GALNT7: variants seen among roughly 807,000 people sequenced by gnomAD.
GALNT7 encodes N-acetylgalactosaminyltransferase 7.
A neutral mutation model predicts 82.1 loss-of-function variants in GALNT7; 60 were observed. That is an observed-to-expected ratio of 0.73 (90% CI 0.59 to 0.91). GALNT7 has a LOEUF of 0.91. Ranked by LOEUF, GALNT7 falls within the 40% of genes least tolerant of loss-of-function variation. GALNT7 has a pLI of 0.00. For synonymous variants in GALNT7, 243 were observed against 275.1 expected (o/e 0.88, Z 1.15); for missense variants, 660 against 804.2 (o/e 0.82, Z 2.17).
chr4:173,226,953 G>C (rs1346425303), intron 1 of GALNT7, among the ~76,000 whole-genome samples: 1 of 152,092 alleles, frequency 6.6e-6, no homozygotes, highest in Non-Finnish European at 1.5e-5. Flanking sequence ...TGAGTATGTT[G>C]AAACTCAGTA....
rs763458221 is a variant in GALNT7, at chr4:173,248,173, T to A, written c.320T>A (p.Ile107Asn). ...GCTGGAGGAGATTCCCAGAAAGATA[T>A]CATGCAGAGGCAGTATCTCACATTT... ...HHAGGDSQKD[I>N]MQRQYLTFKP... The change falls in exon 2 of 12, where the codon ATC becomes AAC. Residue 107 changes from isoleucine (I) to asparagine (N), a missense_variant. By Grantham distance (149) the Ile-to-Asn change is moderately radical (BLOSUM62 -3). Coordinates refer to ENST00000265000, the MANE Select transcript of GALNT7 (RefSeq NM_017423.3). 11 of 1,613,708 alleles carry A rather than the reference T, an allele frequency of 6.8e-6. No homozygotes were observed. Among genetic ancestry groups the A allele is most frequent in the Non-Finnish European group, 8.5e-6 (10 of 1,179,834 alleles).
intron 1 of GALNT7, among the ~76,000 whole-genome samples, chr4:173,202,660 C>T (rs1363798672): frequency 6.6e-6 from 1 of 152,178 alleles, no homozygotes; most frequent in Non-Finnish European, 1.5e-5. Context: ...TTTGTTTGAC[C>T]ATACCACCTG....
chr4:173,282,135 T>C (rs1478408362), intron 2 of GALNT7, among the ~76,000 whole-genome samples: 2 of 152,178 alleles, frequency 1.3e-5, no homozygotes, highest in Non-Finnish European at 2.9e-5. Context: ...ACTTCTCCTA[T>C]CAGTAAAGCT....
intron 8 of GALNT7, among the ~76,000 whole-genome samples, chr4:173,308,350 A>G (rs752359707): frequency 7.9e-5 from 12 of 152,228 alleles, no homozygotes; most frequent in Non-Finnish European, 1.6e-4. Flanking sequence ...AATAAACTCA[A>G]AAAAGTCTGA....
At chr4:173,176,848 G>C (rs1163351722) in intron 1 of GALNT7, among the ~76,000 whole-genome samples, 1 of 152,214 alleles carries the variant, frequency 6.6e-6, no homozygotes, top group African/African-American at 2.4e-5. Context: ...GAAAGACTTT[G>C]AATGGTCAGA....
intron 2 of GALNT7, among the ~76,000 whole-genome samples, chr4:173,283,297 C>CTTTTAGATT: frequency 6.6e-6 from 1 of 152,154 alleles, no homozygotes; most frequent in Non-Finnish European, 1.5e-5. Context: ...TTACATAGGC[C>CTTTTAGATT]TTTTAGATTG....
At chr4:173,235,763 C>T (rs528076641) in intron 1 of GALNT7, among the ~76,000 whole-genome samples, 1 of 152,150 alleles carries the variant, frequency 6.6e-6, no homozygotes, top group African/African-American at 2.4e-5. Flanking sequence ...ACTGTGTTAG[C>T]CAGGATGGTG....
At position 173,218,156 on chromosome 4, in the gene GALNT7, T is replaced by G. The variant is rs189949786; in HGVS notation, c.127-29824T>G. Among the ~76,000 whole-genome samples, 282 of 152,296 alleles carry G rather than the reference T, an allele frequency of 1.9e-3. 2 individuals carry two copies. The highest frequency in any genetic ancestry group is 3.2e-3 in the Non-Finnish European group (218 of 68,020). ...AGCATAAATGATAATAAAGATAGATTAGTGATTCTGGTTTATCCTCTAATC... is the reference window on the plus strand; with the variant it reads ...AGCATAAATGATAATAAAGATAGATGAGTGATTCTGGTTTATCCTCTAATC... On this transcript the variant is annotated intron_variant, in intron 1 of 11. Transcript: ENST00000265000.
intron 1 of GALNT7, among the ~76,000 whole-genome samples, chr4:173,171,492 G>A (rs573160455): frequency 2.8e-4 from 43 of 152,286 alleles, no homozygotes; most frequent in African/African-American, 9.6e-4. Flanking sequence ...GCCACTTTTT[G>A]TCTTGAACTA....
intron 1 of GALNT7, among the ~76,000 whole-genome samples, chr4:173,210,596 G>A (rs762221508): frequency 1.1e-4 from 17 of 152,046 alleles, no homozygotes; most frequent in Non-Finnish European, 1.8e-4. Context: ...TGGGACTACA[G>A]GCTAAATTTT....
In GALNT7 at chr4:173,313,991, G is replaced by A. The variant is rs1406539899; in HGVS notation, c.1423G>A (p.Glu475Lys). 2 of 1,592,764 alleles carry A rather than the reference G, an allele frequency of 1.3e-6. No individual in the cohort carries two copies. Among genetic ancestry groups the A allele is most frequent in the African/African-American group, 2.7e-5 (2 of 74,292 alleles). The part of the protein sequence containing the change: ...YVRVVEVWWD[E>K]YKDYFYASRP... ...TAGAGTTGTGGAGGTTTGGTGGGAT[G>A]AATATAAAGACTACTTCTATGCTAG... Residue 475 changes from glutamate to lysine, a missense_variant, in exon 9 of 12, where the codon GAA becomes AAA. By Grantham distance (56) the Glu-to-Lys change is moderately conservative. This residue lies in a region of GALNT7 where 527 missense variants were observed against 683.5 expected (regional missense o/e 0.77). Transcript: ENST00000265000.
intron 1 of GALNT7, among the ~76,000 whole-genome samples, chr4:173,229,789 G>A (rs966955664): frequency 9.9e-5 from 15 of 151,980 alleles, no homozygotes; most frequent in African/African-American, 9.7e-5. Context: ...CTTTGTAGTC[G>A]TCTTCATGAT....
rs765028660 is a variant in GALNT7, at chr4:173,248,182, G to C, written c.329G>C (p.Arg110Thr). 3 of 1,613,816 alleles carry C rather than the reference G, an allele frequency of 1.9e-6. No homozygotes were observed. The Admixed American group carries it at 5.0e-5, about 27-fold the overall frequency. The change falls in exon 2 of 12, where the codon AGG becomes ACG. Residue 110 changes from arginine (R) to threonine (T), a missense_variant. Transcript: ENST00000265000. ...GATTCCCAGAAAGATATCATGCAGA[G>C]GCAGTATCTCACATTTAAGCCTCAG... ...GGDSQKDIMQRQYLTFKPQTF... is the reference protein window; with the variant it reads ...GGDSQKDIMQTQYLTFKPQTF...
rs138577645 is a variant in GALNT7 at position 173,202,688 on chromosome 4, G to A, written c.126+33727G>A. Among the ~76,000 whole-genome samples the A allele has an allele frequency of 5.3e-5, 8 of 152,228 alleles. No individual in the cohort carries two copies. The Middle Eastern group carries it at 0.017, about 324-fold the overall frequency. ...ACCACCTGGCCCTTAAGGCTGCCTG[G>A]CGTTTTCTAATAAAAGCTATCATTT... On this transcript the variant is annotated intron_variant, in intron 1 of 11. Coordinates refer to ENST00000265000, the MANE Select transcript of GALNT7 (RefSeq NM_017423.3).
At chr4:173,256,520 T>G (rs543741116) in intron 2 of GALNT7, among the ~76,000 whole-genome samples, 6 of 152,072 alleles carry the variant, frequency 3.9e-5, no homozygotes, top group Non-Finnish European at 8.8e-5. Flanking sequence ...TATTTTTTTT[T>G]TAAGTCCTAT....
intron 1 of GALNT7, among the ~76,000 whole-genome samples, chr4:173,239,400 T>C (rs1228968719): frequency 6.6e-6 from 1 of 152,184 alleles, no homozygotes; most frequent in East Asian, 1.9e-4. Flanking sequence ...TGCTGTCTAC[T>C]AGGTACTCGG....
intron 1 of GALNT7, among the ~76,000 whole-genome samples, chr4:173,201,682 A>C (rs1732949045): frequency 6.6e-6 from 1 of 152,100 alleles, no homozygotes; most frequent in Non-Finnish European, 1.5e-5. Context: ...ATCAGAGAGG[A>C]CCTCTTAGAA....
intron 1 of GALNT7, among the ~76,000 whole-genome samples, chr4:173,234,580 A>G (rs781102606): frequency 5.9e-5 from 9 of 152,170 alleles, no homozygotes; most frequent in Non-Finnish European, 1.0e-4. Flanking sequence ...TCATGATTGG[A>G]TAGCAAAAGA....
chr4:173,178,586 T>G (rs1732148919), intron 1 of GALNT7, among the ~76,000 whole-genome samples: 1 of 152,218 alleles, frequency 6.6e-6, no homozygotes, highest in South Asian at 2.1e-4. Context: ...CTTCCCAGCC[T>G]TGGAAGCATT....
Sources: allele counts gnomAD v4.1 joint callset (sites outside exome capture counted in the v4.1 genomes callset), GRCh38; gene constraint gnomAD v4.1.1; regional missense constraint gnomAD v4.1.1; transcripts MANE v1.5; gene names NCBI Gene and HGNC (gene_info 2026-07-23, HGNC 2026-07-21).